STK33: variants seen among roughly 807,000 people sequenced by gnomAD.
STK33 encodes the protein serine/threonine kinase 33, also known as serine/threonine-protein kinase 33.
In STK33, 52 loss-of-function variants were observed where a neutral mutation model predicts 58.0. That is an observed-to-expected ratio of 0.90 (90% CI 0.72 to 1.13). STK33 has a LOEUF of 1.13. Among genes scored for constraint, STK33 ranks in the 50% most tolerant of loss-of-function variants. The pLI is 0.00. For missense variants in STK33, 630 were observed against 604.2 expected (o/e 1.04, Z -0.45); for synonymous variants, 215 against 200.1 (o/e 1.07, Z -0.63).
At chr11:8,477,318 T>G (rs1379638910) in intron 2 of STK33, 35 bp from the exon 3 acceptor site, 5 of 152,194 alleles carry the variant, frequency 3.3e-5, no homozygotes, top group African/African-American at 1.2e-4. Flanking sequence ...AGGTTAAATA[T>G]AAAACCCATA....
rs559700178 is a variant in STK33 at position 8,416,564 on chromosome 11, T to G, written c.1147-2872A>C. Among the ~76,000 whole-genome samples, 56 of 152,194 alleles carry G rather than the reference T, an allele frequency of 3.7e-4. 1 individual carries two copies. The highest frequency in any genetic ancestry group is 3.5e-4 in the Non-Finnish European group (24 of 68,026). On this transcript the variant is annotated intron_variant, in intron 14 of 15. Transcript: ENST00000687296. ...TTCACAGTTTCATACTGCTCTGCTA[T>G]TTTACTGTCCCACACTACTGTACAA...
intron 2 of STK33, among the ~76,000 whole-genome samples, chr11:8,480,104 G>A (rs1194458017): frequency 6.6e-6 from 1 of 152,140 alleles, no homozygotes; most frequent in Non-Finnish European, 1.5e-5. Flanking sequence ...AGAGGATTAG[G>A]CATATGGGAT....
At chr11:8,470,749 G>A (rs947087700) in intron 6 of STK33, among the ~76,000 whole-genome samples, 1 of 152,160 alleles carries the variant, frequency 6.6e-6, no homozygotes, top group Non-Finnish European at 1.5e-5. Flanking sequence ...GAGAGGGAGA[G>A]AGATGGAAGA....
chr11:8,402,170 T>A (rs572095764), intron 15 of STK33, among the ~76,000 whole-genome samples: 13 of 152,194 alleles, frequency 8.5e-5, no homozygotes, highest in Non-Finnish European at 1.8e-4. Flanking sequence ...TGCACACGTA[T>A]GTTTATTGCG....
intron 15 of STK33, among the ~76,000 whole-genome samples, chr11:8,411,030 C>T (rs770647117): frequency 6.6e-6 from 1 of 152,172 alleles, no homozygotes; most frequent in Non-Finnish European, 1.5e-5. Context: ...CATTAAGGAC[C>T]TAATGTTAAA....
In STK33 at chr11:8,519,422, A is replaced by G. The variant is rs560309703; in HGVS notation, c.-465-38808T>C. 5.0e-3 allele frequency among the ~76,000 whole-genome samples: 761 copies of G among 152,362 alleles called. 2 individuals carry two copies. Among genetic ancestry groups the G allele is most frequent in the Non-Finnish European group, 9.1e-3 (617 of 68,036 alleles). ...CTAAAATTGACACCCTAACATCACA[A>G]TTAAAAGAACTAAAGAAGCAAGAGC... On this transcript the variant is annotated intron_variant, in intron 1 of 15. Coordinates refer to ENST00000687296, the MANE Select transcript of STK33 (RefSeq NM_001352389.2).
At chr11:8,390,155 G>C (rs538005647), downstream of STK33, among the ~76,000 whole-genome samples, 1 of 152,110 alleles carries the variant, frequency 6.6e-6, no homozygotes, top group Non-Finnish European at 1.5e-5. Context: ...CTCCTCAAAT[G>C]AATTTGTCCC....
At chr11:8,508,696 T>C (rs911126086) in intron 1 of STK33, among the ~76,000 whole-genome samples, 7 of 152,190 alleles carry the variant, frequency 4.6e-5, no homozygotes, top group African/African-American at 1.7e-4. Context: ...AAACTGGTAT[T>C]GAAAAACCTC....
chr11:8,572,804 A>T (rs1283344828), intron 1 of STK33, among the ~76,000 whole-genome samples: 3 of 152,106 alleles, frequency 2.0e-5, no homozygotes, highest in Non-Finnish European at 1.5e-5. Context: ...AATAGATAGA[A>T]TTAACAGCAG....
intron 1 of STK33, among the ~76,000 whole-genome samples, chr11:8,540,848 A>G (rs2140328440): frequency 6.6e-6 from 1 of 152,244 alleles, no homozygotes; most frequent in African/African-American, 2.4e-5. Flanking sequence ...AAGTTAATCA[A>G]ATTGTATTAT....
chr11:8,396,059 T>C (rs552000934), intron 15 of STK33, among the ~76,000 whole-genome samples: 18 of 152,318 alleles, frequency 1.2e-4, no homozygotes, highest in African/African-American at 4.1e-4. Context: ...GCTCCTTCAC[T>C]CCCTGGTAAC....
the STK33 span, among the ~76,000 whole-genome samples, chr11:8,371,095 G>A: frequency 6.6e-6 from 1 of 152,160 alleles, no homozygotes; most frequent in Non-Finnish European, 1.5e-5. Flanking sequence ...GAACCATGAA[G>A]GAACGTAATG....
At chr11:8,424,159 C>G (rs973091277) in intron 14 of STK33, among the ~76,000 whole-genome samples, 2 of 144,212 alleles carry the variant, frequency 1.4e-5, no homozygotes, top group Non-Finnish European at 3.0e-5. Context: ...CCACAACAGG[C>G]CCCGGTGTGT....
the STK33 span, among the ~76,000 whole-genome samples, chr11:8,342,059 T>A: frequency 7.9e-5 from 12 of 152,128 alleles, no homozygotes; most frequent in Non-Finnish European, 4.4e-5. Flanking sequence ...GGGAGGCAGG[T>A]ATATGACTTT....
At chr11:8,570,225 A>G (rs1156235068) in intron 1 of STK33, among the ~76,000 whole-genome samples, 3 of 152,204 alleles carry the variant, frequency 2.0e-5, no homozygotes, top group Non-Finnish European at 2.9e-5. Context: ...ATCCCTACAC[A>G]TCGTCCAGAA....
At chr11:8,383,509 G>T in the STK33 span, among the ~76,000 whole-genome samples, 1 of 152,188 alleles carries the variant, frequency 6.6e-6, no homozygotes, top group African/African-American at 2.4e-5. Flanking sequence ...TGGGCTGAAG[G>T]AACAGTTCAG....
At chr11:8,419,491 A>G (rs1470687131) in intron 14 of STK33, among the ~76,000 whole-genome samples, 1 of 152,136 alleles carries the variant, frequency 6.6e-6, no homozygotes, top group Admixed American at 6.5e-5. Context: ...GTAGCCCTGT[A>G]GTATAGTTTG....
chr11:8,437,932 C>T (rs544162762), intron 12 of STK33, among the ~76,000 whole-genome samples: 59 of 152,136 alleles, frequency 3.9e-4, no homozygotes, highest in Admixed American at 7.2e-4. Flanking sequence ...ATTCACCTTG[C>T]TATTGTTTAG....
At chr11:8,394,691 C>A (rs1320011134) in intron 15 of STK33, among the ~76,000 whole-genome samples, 2 of 152,126 alleles carry the variant, frequency 1.3e-5, no homozygotes, top group African/African-American at 4.8e-5. Context: ...AAAAACGCTA[C>A]AGATGCTGGT....
Sources: allele counts gnomAD v4.1 joint callset (sites outside exome capture counted in the v4.1 genomes callset), GRCh38; gene constraint gnomAD v4.1.1; transcripts MANE v1.5; gene names NCBI Gene and HGNC (gene_info 2026-07-23, HGNC 2026-07-21).